SH3D21: variants seen among roughly 807,000 people sequenced by gnomAD.
SH3D21 encodes the protein manchette microtubule inner protein 1, also known as SH3 domain-containing protein 21.
In SH3D21, 83 loss-of-function variants were observed where a neutral mutation model predicts 82.1. The observed-to-expected ratio is 1.01, with a 90% CI of 0.85 to 1.21. The LOEUF is 1.21. SH3D21 is among the 50% of genes most tolerant of loss of function. The pLI is 0.00. For synonymous variants in SH3D21, 383 were observed against 387.8 expected, an observed-to-expected ratio of 0.99 and a Z score of 0.15; for missense variants, 980 against 962.1, an observed-to-expected ratio of 1.02 and a Z score of -0.25.
At chr1:36,322,154 G>C (rs1646473712), downstream of SH3D21, 13 of 1,355,076 alleles carry the variant, frequency 9.6e-6, no homozygotes, top group Non-Finnish European at 1.1e-5. Flanking sequence ...ACTGGGGAAG[G>C]GAGCCTCTCA....
intron 10 of SH3D21, among the ~76,000 whole-genome samples, chr1:36,313,104 C>T (rs1048424381): frequency 3.3e-5 from 5 of 151,966 alleles, no homozygotes; most frequent in African/African-American, 1.2e-4. Context: ...GCGGGTGGAT[C>T]ATGGGGTCAA....
Position 36,306,942 on chromosome 1 carries a change from G to C in SH3D21, c.226+37G>C, listed in dbSNP as rs915653240. The C allele has an allele frequency of 1.1e-5, 15 of 1,341,010 alleles. No homozygotes were observed. In the Admixed American group the frequency reaches 3.3e-4, roughly 30 times the overall value. The allele number at this position is 1,341,010 out of a possible 1,614,324, so 83.1% of individuals were successfully genotyped here. A position where few individuals can be genotyped will look rare whatever the true frequency, so the allele number is the denominator to read the frequency against. On this transcript the variant is annotated intron_variant, in intron 3 of 15. Transcript: ENST00000453908. This position sits in a 1 kb window ranked among gnomAD's most constrained non-coding sequence, Gnocchi z 4.5. ...GGCGGGGACGGGCGCCGGTGGGCGGGTGCACGGAGCCAGTGCGACCCCGGC... is the reference window on the plus strand; with the variant it reads ...GGCGGGGACGGGCGCCGGTGGGCGGCTGCACGGAGCCAGTGCGACCCCGGC...
rs1646158683 is a variant in SH3D21, at chr1:36,307,756, C to CT, written c.437-13dup. 1 of 1,551,278 alleles carries CT rather than the reference C, an allele frequency of 6.4e-7. No individual in the cohort carries two copies. Among genetic ancestry groups the CT allele is most frequent in the Admixed American group, 2.0e-5 (1 of 50,930 alleles). On this transcript the variant is annotated splice_polypyrimidine_tract_variant and intron_variant, in intron 5 of 15. Coordinates refer to ENST00000453908, the MANE Select transcript of SH3D21 (RefSeq NM_001162530.2). This position sits in a 1 kb window ranked among gnomAD's most constrained non-coding sequence, Gnocchi z 5.4. Reference sequence around the variant, plus strand: ...TGAATTAGCACCCTCCCTAACCTCACTGTCCCCCACTAGGCCTTGGTAACC... The same window carrying CT: ...TGAATTAGCACCCTCCCTAACCTCACTTGTCCCCCACTAGGCCTTGGTAACC...
Position 36,320,997 on chromosome 1 carries a change from C to T in SH3D21, c.2199+19C>T. 9 of 1,572,192 alleles carry T rather than the reference C, an allele frequency of 5.7e-6. No homozygotes were observed. Among genetic ancestry groups the T allele is most frequent in the Non-Finnish European group, 7.8e-6 (9 of 1,159,532 alleles). ...GCTGGAGGTGAGGCGCGGGTCCCGGCGGGAGGGGGCTGACGGCGAGTGGCC... is the reference window on the plus strand; with the variant it reads ...GCTGGAGGTGAGGCGCGGGTCCCGGTGGGAGGGGGCTGACGGCGAGTGGCC... On this transcript the variant is annotated intron_variant, in intron 15 of 15. Coordinates refer to ENST00000453908, the MANE Select transcript of SH3D21 (RefSeq NM_001162530.2).
At chr1:36,324,746 ACTGTTTAGT>A (rs994833853), downstream of SH3D21, 5 of 152,056 alleles carry the variant, frequency 3.3e-5, no homozygotes, top group African/African-American at 1.2e-4. Context: ...TGTCTTTGTG[ACTGTTTAGT>A]GTGTTCTGTG....
chr1:36,306,806 G>A lies in SH3D21; in HGVS notation c.163-36G>A. Reference sequence around the variant, plus strand: ...TGGGGTCTCAGCGCGCGCCCCCCGGGAGCTGAGAGCGCCTTCCCCGTGCCC... The same window carrying A: ...TGGGGTCTCAGCGCGCGCCCCCCGGAAGCTGAGAGCGCCTTCCCCGTGCCC... On this transcript the variant is annotated intron_variant, in intron 2 of 15. Transcript: ENST00000453908. This position sits in a 1 kb window ranked among gnomAD's most constrained non-coding sequence, Gnocchi z 4.5. The A allele has an allele frequency of 1.5e-6, 2 of 1,293,088 alleles. No homozygotes were observed. The highest frequency in any genetic ancestry group is 1.2e-5 in the South Asian group (1 of 80,750). 80.1% of individuals were successfully genotyped at this position (1,293,088 alleles called of 1,614,324 possible).
Position 36,307,109 on chromosome 1 carries a change from C to T in SH3D21, c.227-58C>T. 1.9e-6 allele frequency: 3 copies of T among 1,546,446 alleles called. No homozygotes were observed. The highest frequency in any genetic ancestry group is 2.6e-6 in the Non-Finnish European group (3 of 1,144,034). On this transcript the variant is annotated intron_variant, in intron 3 of 15. Transcript: ENST00000453908. This position sits in a 1 kb window ranked among gnomAD's most constrained non-coding sequence, Gnocchi z 5.4. ...GGCTACGTGCGCGCCTTGCGCTTCC[C>T]CCAGCTCCTCTGACTGGGGCGTCCG...
chr1:36,325,551 G>A (rs1011789094), downstream of SH3D21, among the ~76,000 whole-genome samples: 1 of 151,614 alleles, frequency 6.6e-6, no homozygotes, highest in Admixed American at 6.6e-5. Flanking sequence ...TTTGTTGTTT[G>A]TTTTTGTTTT....
At chr1:36,326,562 G>A (rs925244560), downstream of SH3D21, among the ~76,000 whole-genome samples, 1 of 152,280 alleles carries the variant, frequency 6.6e-6, no homozygotes, top group Middle Eastern at 3.4e-3. Flanking sequence ...GTGTGGTGGG[G>A]AGCTCCTGGA....
chr1:36,328,319 T>C, downstream of SH3D21: 2 of 370,238 alleles, frequency 5.4e-6, no homozygotes, highest in Non-Finnish European at 1.1e-5. Flanking sequence ...CCCTGGCTAT[T>C]CTGCCGTTGA....
At position 36,319,696 on chromosome 1, in the gene SH3D21, G is replaced by A. The variant is rs1023323616; in HGVS notation, c.1033G>A (p.Val345Ile). The A allele has an allele frequency of 8.2e-6, 13 of 1,591,460 alleles. No homozygotes were observed. In the African/African-American group the frequency reaches 1.8e-4, roughly 22 times the overall value. ...SSQEEEHSSP[V>I]KAPSVKRTPM... ...GCAGGAGGAAGAGCACAGCAGCCCG[G>A]TAAAGGCCCCCTCTGTGAAGAGAAC... The change falls in exon 14 of 16, where the codon GTA becomes ATA. Residue 345 changes from valine (V) to isoleucine (I), a missense_variant. By Grantham distance (29) the Val-to-Ile change is conservative. Transcript: ENST00000453908.
intron 10 of SH3D21, among the ~76,000 whole-genome samples, chr1:36,316,052 C>T (rs1279032307): frequency 1.3e-5 from 2 of 152,198 alleles, no homozygotes; most frequent in Non-Finnish European, 2.9e-5. Context: ...GCAGTGTTCT[C>T]TACCTGACAG....
chr1:36,308,508 G>A (rs1231451096), intron 9 of SH3D21, 33 bp downstream of exon 9: 3 of 1,540,660 alleles, frequency 1.9e-6, no homozygotes, highest in African/African-American at 1.4e-5. Context: ...CAGGTGGCAG[G>A]GGCAGGCTAT....
downstream of SH3D21, among the ~76,000 whole-genome samples, chr1:36,326,446 G>A (rs978792512): frequency 1.3e-5 from 2 of 152,128 alleles, no homozygotes; most frequent in African/African-American, 2.4e-5. Context: ...GGTCAGGCTG[G>A]TCTCGAACTT....
intron 10 of SH3D21, among the ~76,000 whole-genome samples, chr1:36,314,480 T>A (rs963480181): frequency 6.7e-6 from 1 of 149,018 alleles, no homozygotes; most frequent in African/African-American, 2.5e-5. Context: ...TTTTTTTTTT[T>A]AGTCTTGCTC....
Position 36,308,137 on chromosome 1 carries a change from G to A in SH3D21, c.567G>A (p.Leu189=). 6.5e-7 allele frequency: 1 copy of A among 1,550,062 alleles called. No homozygotes were observed. Among genetic ancestry groups the A allele is most frequent in the Non-Finnish European group, 8.7e-7 (1 of 1,146,184 alleles). Residue 189 remains leucine, a synonymous_variant, in exon 8 of 16, where the codon CTG becomes CTA. Transcript: ENST00000453908. ...CCCACCCTGAGGTCTACAGGGTCCT[G>A]TTTGACTACCAGCCTGAGGCCCCAG... ...TVSHPEVYRV[L]FDYQPEAPDE...
At chr1:36,319,584 G>C (rs574268808) in intron 13 of SH3D21, 48 bp downstream of exon 13, 4 of 1,551,108 alleles carry the variant, frequency 2.6e-6, no homozygotes, top group Non-Finnish European at 3.5e-6. Flanking sequence ...GCAGAGGCTG[G>C]TTCCCAGCTG....
rs763054453 is a variant in SH3D21, at chr1:36,319,163, A to C, written c.862A>C (p.Lys288Gln). 3.4e-5 allele frequency: 53 copies of C among 1,551,262 alleles called. No individual in the cohort carries two copies. In the East Asian group the frequency reaches 4.9e-4, roughly 14 times the overall value. The stretch of plus-strand genomic sequence containing the variant: ...AGCCACCACTGGGCCCAGCAAAGCC[A>C]AGTAAGGAGCAGGATGGGGTTGGGG... ...ATATTGPSKA[K>Q]TSRTPSRDSQ... Residue 288 changes from lysine (K) to glutamine (Q), a missense_variant and splice_region_variant, in exon 11 of 16, where the codon AAG (lysine) becomes CAG (glutamine). By Grantham distance (53) the Lys-to-Gln change is moderately conservative. Transcript: ENST00000453908.
downstream of SH3D21, chr1:36,321,798 T>C: frequency 1.0e-6 from 1 of 1,002,142 alleles, no homozygotes; most frequent in Non-Finnish European, 1.2e-6. The surrounding 1 kb of genome is among the most constrained non-coding windows in gnomAD (Gnocchi z 6.1). Flanking sequence ...GCGTTTTGAA[T>C]AAGGAATGCG....
Sources: gnomAD v4.1 joint callset for allele counts (sites outside exome capture counted in the v4.1 genomes callset) on GRCh38, gnomAD v4.1.1 for gene constraint, Gnocchi (gnomAD v3.1) non-coding constraint, MANE v1.5 for transcripts, NCBI Gene and HGNC (gene_info 2026-07-23, HGNC 2026-07-21) for gene names.